BOLL: variants seen among roughly 807,000 people sequenced by gnomAD.
BOLL encodes the protein protein boule-like.
A neutral mutation model predicts 44.4 loss-of-function variants in BOLL; 23 were observed. That is an observed-to-expected ratio of 0.52 (90% CI 0.37 to 0.73). The LOEUF (loss-of-function observed/expected upper bound fraction) is 0.73, where lower values mean the gene tolerates loss of function less well. BOLL is among the 30% of genes least tolerant of loss of function. The pLI is 0.00. For missense variants in BOLL, 287 were observed against 338.3 expected, an observed-to-expected ratio of 0.85 and a Z score of 1.19; for synonymous variants, 97 against 110.8, an observed-to-expected ratio of 0.88 and a Z score of 0.78.
chr2:197,751,838 C>CA (rs537934386), intron 9 of BOLL, among the ~76,000 whole-genome samples: 31,729 of 134,106 alleles, frequency 0.24, 3,409 homozygotes, highest in East Asian at 0.35. Context: ...CAGAAACCAA[C>CA]AAAAAAAAAA....
intron 7 of BOLL, 27 bp from the exon 8 acceptor site, chr2:197,757,427 A>G (rs1159915168): frequency 6.3e-7 from 1 of 1,593,876 alleles, no homozygotes; most frequent in Admixed American, 1.7e-5. Context: ...GAAAAGAAAA[A>G]CCCATTCTGA....
chr2:197,733,156 A>T (rs1461253092), intron 10 of BOLL, among the ~76,000 whole-genome samples: 1 of 121,954 alleles, frequency 8.2e-6, no homozygotes, highest in African/African-American at 3.2e-5. Context: ...AAGCATTCTT[A>T]TACACCAACA....
intron 4 of BOLL, among the ~76,000 whole-genome samples, chr2:197,776,710 TATA>T (rs1689531688): frequency 6.6e-6 from 1 of 152,054 alleles, no homozygotes; most frequent in Non-Finnish European, 1.5e-5. Flanking sequence ...TCTTAGTTTA[TATA>T]ATGTTTTTCA....
Position 197,758,945 on chromosome 2 carries a change from A to G in BOLL, c.553-1545T>C, listed in dbSNP as rs200391163. ...TAGCCAGGGGAGCAAAACTGACCTC[A>G]TCACATTTGGTAAAAGGAAGCAAAG... On this transcript the variant is annotated intron_variant, in intron 7 of 10. Coordinates refer to ENST00000392296, the MANE Select transcript of BOLL (RefSeq NM_033030.6). 2,175 of 1,535,748 alleles carry G rather than the reference A, an allele frequency of 1.4e-3. 22 individuals are homozygous for G. The highest frequency in any genetic ancestry group is 8.3e-3 in the Middle Eastern group (50 of 5,990).
intron 6 of BOLL, among the ~76,000 whole-genome samples, chr2:197,769,106 A>T (rs1348256655): frequency 6.6e-6 from 1 of 151,918 alleles, no homozygotes; most frequent in Non-Finnish European, 1.5e-5. Flanking sequence ...CATCAAGGAT[A>T]TTGGTCTAAA....
In BOLL at chr2:197,775,662, T is replaced by TA; in HGVS notation, c.352+2dup. The TA allele has an allele frequency of 6.5e-7, 1 of 1,536,308 alleles. No individual in the cohort carries two copies. Among genetic ancestry groups the TA allele is most frequent in the Non-Finnish European group, 8.9e-7 (1 of 1,129,638 alleles). On this transcript the variant is annotated splice_region_variant and intron_variant, in intron 5 of 10. Coordinates refer to ENST00000392296, the MANE Select transcript of BOLL (RefSeq NM_033030.6). ...TAAAAATACATTAGTTCTCAATACA[T>TA]ACGAGGGATCCCTACTTGTTGTTTT... is the stretch of plus-strand genomic sequence containing the variant.
At chr2:197,767,950 A>C (rs1003347485) in intron 6 of BOLL, among the ~76,000 whole-genome samples, 3 of 151,972 alleles carry the variant, frequency 2.0e-5, no homozygotes, top group Non-Finnish European at 4.4e-5. Context: ...TAGCAGAGAC[A>C]TGGTCAGTGC....
intron 9 of BOLL, among the ~76,000 whole-genome samples, chr2:197,748,971 C>A (rs140504678): frequency 6.6e-6 from 1 of 152,244 alleles, no homozygotes; most frequent in African/African-American, 2.4e-5. Flanking sequence ...TTGACAGACA[C>A]CTCATACAGG....
chr2:197,765,763 C>T (rs1688966541), intron 7 of BOLL, among the ~76,000 whole-genome samples: 1 of 151,870 alleles, frequency 6.6e-6, no homozygotes, highest in Admixed American at 6.6e-5. Flanking sequence ...CATAGGTAAA[C>T]TCGTGTCACA....
At chr2:197,782,618 T>C (rs1380460650) in intron 1 of BOLL, among the ~76,000 whole-genome samples, 1 of 152,190 alleles carries the variant, frequency 6.6e-6, no homozygotes, top group African/African-American at 2.4e-5. Context: ...TCCTGTAAGT[T>C]CTAACACCTT....
intron 10 of BOLL, 45 bp downstream of exon 10, chr2:197,743,016 A>T: frequency 7.0e-7 from 1 of 1,430,504 alleles, no homozygotes; most frequent in Non-Finnish European, 9.5e-7. Context: ...AACTTGAAAT[A>T]TGATGGAAGA....
intron 8 of BOLL, among the ~76,000 whole-genome samples, chr2:197,756,968 A>G (rs1688544626): frequency 6.6e-6 from 1 of 152,178 alleles, no homozygotes; most frequent in African/African-American, 2.4e-5. Flanking sequence ...TTTGTTACCA[A>G]AAGTTGGGAA....
At chr2:197,728,643 A>G in intron 10 of BOLL, 65 bp from the exon 11 acceptor site, 1 of 1,060,462 alleles carries the variant, frequency 9.4e-7, no homozygotes, top group Non-Finnish European at 1.4e-6. Flanking sequence ...AAGTTAGAAC[A>G]GATGAGTACA....
At chr2:197,779,275 G>T (rs886876274) in intron 2 of BOLL, among the ~76,000 whole-genome samples, 12 of 151,936 alleles carry the variant, frequency 7.9e-5, no homozygotes, top group African/African-American at 2.7e-4. Flanking sequence ...ATTACCATAT[G>T]CCAATAAAAA....
intron 5 of BOLL, among the ~76,000 whole-genome samples, chr2:197,773,394 A>G (rs990483740): frequency 3.3e-5 from 5 of 151,966 alleles, no homozygotes; most frequent in African/African-American, 9.7e-5. Flanking sequence ...ATTAGACATG[A>G]GATGGTCTGT....
In BOLL at chr2:197,771,993, G is replaced by C. The variant is rs774801586; in HGVS notation, c.353-11C>G. 6.5e-7 allele frequency: 1 copy of C among 1,538,140 alleles called. No individual in the cohort carries two copies. Among genetic ancestry groups the C allele is most frequent in the Non-Finnish European group, 8.8e-7 (1 of 1,135,700 alleles). On this transcript the variant is annotated splice_polypyrimidine_tract_variant and intron_variant, in intron 5 of 10. Transcript: ENST00000392296. ...GCATTATACTAGAACCTAAAGCAAA[G>C]ATTAAATAATAATAATTGAAATGTT...
chr2:197,782,082 T>C (rs1050074835), intron 1 of BOLL, among the ~76,000 whole-genome samples: 2 of 152,074 alleles, frequency 1.3e-5, no homozygotes, highest in Non-Finnish European at 2.9e-5. Context: ...CTATAGAGAT[T>C]TTAAATATTA....
chr2:197,785,309 C>A lies in BOLL; in HGVS notation c.-269G>T, dbSNP rs146247661. 32,565 of 985,666 alleles carry A rather than the reference C, an allele frequency of 0.033. 580 individuals carry two copies. Among genetic ancestry groups the A allele is most frequent in the Non-Finnish European group, 0.037 (30,618 of 829,910 alleles). 61.1% of individuals were successfully genotyped at this position (985,666 alleles called of 1,614,324 possible). On this transcript the variant is annotated 5_prime_UTR_variant, in exon 1 of 11. Transcript: ENST00000392296. The surrounding 1 kb of genome is among the most constrained non-coding windows in gnomAD (Gnocchi z 6.7). ...ACGGCAGCGACCCCGCCGCTGGCCT[C>A]GTGCGCAGCTGGTCCCCACCCTCGC...
At chr2:197,752,118 A>C (rs574743670) in intron 9 of BOLL, among the ~76,000 whole-genome samples, 2 of 152,244 alleles carry the variant, frequency 1.3e-5, no homozygotes, top group East Asian at 3.9e-4. Flanking sequence ...TGCTAAAAAC[A>C]CTTAATAAAC....
Sources: allele counts gnomAD v4.1 joint callset (sites outside exome capture counted in the v4.1 genomes callset), GRCh38; gene constraint gnomAD v4.1.1; non-coding constraint Gnocchi (gnomAD v3.1); transcripts MANE v1.5; gene names NCBI Gene and HGNC (gene_info 2026-07-23, HGNC 2026-07-21).